Variants in ANO1 observed in about 807,000 individuals in gnomAD.
ANO1 encodes anoctamin-1.
A neutral mutation model predicts 124.0 loss-of-function variants in ANO1; 59 were observed. The ratio of observed to expected loss-of-function variants is 0.48; its 90% CI spans 0.39 to 0.59. ANO1 has a LOEUF of 0.59. ANO1 is among the 20% of genes least tolerant of loss of function. The pLI, the probability that ANO1 is intolerant of heterozygous loss-of-function variation, is 0.00. For synonymous variants in ANO1, 529 were observed against 532.0 expected, an observed-to-expected ratio of 0.99 and a Z score of 0.08; for missense variants, 1,059 against 1,328.0, an observed-to-expected ratio of 0.80 and a Z score of 3.15.
chr11:70,094,633 C>A (rs1231342473), intron 2 of ANO1, among the ~76,000 whole-genome samples: 4 of 152,182 alleles, frequency 2.6e-5, no homozygotes, highest in Non-Finnish European at 5.9e-5. Flanking sequence ...TTGAACCTGG[C>A]CCCTAACCTC....
intron 6 of ANO1, among the ~76,000 whole-genome samples, chr11:70,110,332 G>A (rs111683175): frequency 9.7e-4 from 147 of 151,880 alleles, no homozygotes; most frequent in African/African-American, 3.3e-3. Context: ...GACTACAGGC[G>A]CCCGCCACCA....
intron 1 of ANO1, among the ~76,000 whole-genome samples, chr11:69,994,372 G>T (rs1337369408): frequency 3.7e-5 from 3 of 82,064 alleles, no homozygotes; most frequent in African/African-American, 1.2e-4. Flanking sequence ...GGATGGATGG[G>T]TGGATGAATG....
At chr11:69,976,291 T>C in the ANO1 span, among the ~76,000 whole-genome samples, 16 of 152,036 alleles carry the variant, frequency 1.1e-4, no homozygotes, top group East Asian at 5.8e-4. Flanking sequence ...GGGCGGATCA[T>C]GAGGTCAGGA....
At chr11:70,041,995 C>T (rs1857190331) in intron 1 of ANO1, among the ~76,000 whole-genome samples, 1 of 152,042 alleles carries the variant, frequency 6.6e-6, no homozygotes, top group Non-Finnish European at 1.5e-5. Context: ...ACTAGGGCAC[C>T]TCAGAGAAAT....
chr11:70,106,006 C>G (rs2045524158), intron 5 of ANO1, among the ~76,000 whole-genome samples: 1 of 152,132 alleles, frequency 6.6e-6, no homozygotes, highest in Non-Finnish European at 1.5e-5. Flanking sequence ...CAGCACAGAG[C>G]TTGGGAAAGC....
At chr11:70,056,830 C>T (rs1591061572) in intron 1 of ANO1, among the ~76,000 whole-genome samples, 1 of 140,364 alleles carries the variant, frequency 7.1e-6, no homozygotes, top group Non-Finnish European at 1.5e-5. Context: ...TGTTTTACAT[C>T]TTTTTTTTTT....
At chr11:70,114,678 C>T (rs939832109) in intron 7 of ANO1, among the ~76,000 whole-genome samples, 1 of 152,186 alleles carries the variant, frequency 6.6e-6, no homozygotes, top group African/African-American at 2.4e-5. Flanking sequence ...ACGGGTAGAT[C>T]ACCTGAGGTC....
intron 4 of ANO1, among the ~76,000 whole-genome samples, chr11:70,105,443 A>C (rs1247324634): frequency 7.1e-6 from 1 of 141,576 alleles, no homozygotes; most frequent in Non-Finnish European, 1.5e-5. Context: ...GGAAGCAGGG[A>C]TCTTCTGGGG....
chr11:70,143,029 A>G (rs35760498), intron 11 of ANO1, among the ~76,000 whole-genome samples: 28,320 of 152,162 alleles, frequency 0.19, 3,236 homozygotes, highest in Middle Eastern at 0.33. Context: ...AGGGGGTCAC[A>G]TTTCAAGAAG....
At chr11:70,035,037 C>A (rs185864688) in intron 1 of ANO1, among the ~76,000 whole-genome samples, 2 of 152,108 alleles carry the variant, frequency 1.3e-5, no homozygotes, top group South Asian at 4.2e-4. Flanking sequence ...CCATGGGACT[C>A]GGTGCTGTTA....
At chr11:70,035,064 G>C (rs1857071119) in intron 1 of ANO1, among the ~76,000 whole-genome samples, 1 of 152,098 alleles carries the variant, frequency 6.6e-6, no homozygotes, top group African/African-American at 2.4e-5. Flanking sequence ...CCAAGGACCA[G>C]GGGTGCAGTG....
chr11:69,998,515 C>T (rs1856318595), intron 1 of ANO1, among the ~76,000 whole-genome samples: 1 of 152,186 alleles, frequency 6.6e-6, no homozygotes, highest in Non-Finnish European at 1.5e-5. Flanking sequence ...CTAGGAAGAT[C>T]CTGGGGCTGT....
chr11:70,085,306 C>A, intron 1 of ANO1: 1 of 1,353,146 alleles, frequency 7.4e-7, no homozygotes, highest in Non-Finnish European at 9.7e-7. Context: ...AAAGCCAGCC[C>A]TCCCCCACCC....
intron 11 of ANO1, among the ~76,000 whole-genome samples, chr11:70,138,275 G>T (rs2047020971): frequency 8.0e-6 from 1 of 125,514 alleles, no homozygotes; most frequent in African/African-American, 2.6e-5. Flanking sequence ...AACCCGGGAG[G>T]CAGAGGTTGC....
chr11:70,155,373 A>T (rs1236626100), intron 14 of ANO1, among the ~76,000 whole-genome samples: 2 of 152,158 alleles, frequency 1.3e-5, no homozygotes, highest in Non-Finnish European at 2.9e-5. Context: ...CAGAGCTCAG[A>T]GGCACCCCCA....
intron 1 of ANO1, among the ~76,000 whole-genome samples, chr11:70,050,363 G>A (rs1210136391): frequency 6.6e-6 from 1 of 152,146 alleles, no homozygotes. Context: ...CAGTACAGGT[G>A]CAGGCCACGG....
rs1464767778 is a variant in ANO1 at position 70,149,753 on chromosome 11, C to T, written c.1302C>T (p.Leu434=). Residue 434 remains leucine, a synonymous_variant, in exon 12 of 26, where the codon CTC becomes CTT. Transcript: ENST00000355303. ...MEHWKRKQMR[L]NYRWDLTGFE... Reference sequence around the variant, plus strand: ...ACTGGAAGCGGAAACAGATGCGACTCAACTACCGCTGGGACCTCACGGGCT... The same window carrying T: ...ACTGGAAGCGGAAACAGATGCGACTTAACTACCGCTGGGACCTCACGGGCT... 3.1e-6 allele frequency: 5 copies of T among 1,613,814 alleles called. No individual in the cohort carries two copies. The highest frequency in any genetic ancestry group is 3.4e-6 in the Non-Finnish European group (4 of 1,179,862).
intron 8 of ANO1, among the ~76,000 whole-genome samples, chr11:70,123,100 G>T (rs1403989087): frequency 6.6e-6 from 1 of 152,142 alleles, no homozygotes; most frequent in African/African-American, 2.4e-5. Flanking sequence ...GCATCCTTCA[G>T]TGTAAAGGAG....
At chr11:70,063,142 G>C (rs1405814314) in intron 1 of ANO1, among the ~76,000 whole-genome samples, 1 of 152,144 alleles carries the variant, frequency 6.6e-6, no homozygotes, top group African/African-American at 2.4e-5. Context: ...TATTGGCCAG[G>C]CTGGTTTCAA....
Sources: allele counts gnomAD v4.1 joint callset (sites outside exome capture counted in the v4.1 genomes callset), GRCh38; gene constraint gnomAD v4.1.1; transcripts MANE v1.5; gene names NCBI Gene and HGNC (gene_info 2026-07-23, HGNC 2026-07-21).